Variants in SMARCC2 observed in about 807,000 individuals in gnomAD.
The protein encoded by SMARCC2 is SWI/SNF related BAF chromatin remodeling complex subunit C2, also known as SWI/SNF complex subunit SMARCC2.
A neutral mutation model predicts 151.3 loss-of-function variants in SMARCC2; 15 were observed. That is an observed-to-expected ratio of 0.10 (90% CI 0.07 to 0.15). The LOEUF is 0.15. SMARCC2 is among the 10% of genes least tolerant of loss of function. The pLI is 1.00. For missense variants in SMARCC2, 1,031 were observed against 1,599.7 expected (o/e 0.64, Z 6.06); for synonymous variants, 590 against 609.5 (o/e 0.97, Z 0.47).
rs377684873 is a variant in SMARCC2 at position 56,171,986 on chromosome 12, C to A, written c.1927-49G>T. The A allele has an allele frequency of 2.0e-6, 3 of 1,534,094 alleles. No individual in the cohort carries two copies. Among genetic ancestry groups the A allele is most frequent in the South Asian group, 2.5e-5 (2 of 79,126 alleles). ...ACTCCGCTTACTTAGCCACTTTTCT[C>A]GAAGGCTGACTCCCCCCATCCTACT... On this transcript the variant is annotated intron_variant, in intron 20 of 28. Coordinates refer to ENST00000550164, the MANE Select transcript of SMARCC2 (RefSeq NM_001330288.2). The surrounding 1 kb of genome is among the most constrained non-coding windows in gnomAD (Gnocchi z 4.2).
At chr12:56,164,941 C>T (rs994846094) in intron 27 of SMARCC2, among the ~76,000 whole-genome samples, 3 of 152,140 alleles carry the variant, frequency 2.0e-5, no homozygotes, top group Non-Finnish European at 2.9e-5. Flanking sequence ...GTACGCACCA[C>T]CACGCCCAGC....
rs1258204528 is a variant in SMARCC2 at position 56,164,407 on chromosome 12, G to T, written c.3557C>A (p.Ser1186Tyr). 25 of 1,613,934 alleles carry T rather than the reference G, an allele frequency of 1.5e-5. No homozygotes were observed. The highest frequency in any genetic ancestry group is 1.9e-5 in the Non-Finnish European group (23 of 1,180,054). The change falls in exon 28 of 29, where the codon TCT (serine) becomes TAT (tyrosine). Residue 1186 changes from serine to tyrosine, a missense_variant. Ser to Tyr is a moderately radical substitution (Grantham distance 144). Transcript: ENST00000550164. ...PNLPATTTMP[S>Y]SLPLGPGLGS... ...GAGCCCCGGCCCGAGAGGCAAGGAA[G>T]ATGGCATGGTGGTGGTCGCCGGCAG... is the stretch of plus-strand genomic sequence containing the variant.
At chr12:56,181,949 G>C in intron 8 of SMARCC2, 55 bp downstream of exon 8, 2 of 1,585,232 alleles carry the variant, frequency 1.3e-6, no homozygotes, top group South Asian at 1.1e-5. Context: ...ACTTCCAAAG[G>C]GTAGACTGTT....
intron 15 of SMARCC2, among the ~76,000 whole-genome samples, chr12:56,175,027 T>C (rs964422027): frequency 4.6e-5 from 7 of 152,218 alleles, no homozygotes. Context: ...ATTTTTTTTT[T>C]TGAGATGGAG....
chr12:56,181,262 T>C (rs1876143157), intron 10 of SMARCC2, 161 bp from the exon 11 acceptor site: 2 of 714,060 alleles, frequency 2.8e-6, no homozygotes, highest in South Asian at 4.1e-5. Context: ...GCAAAGGCTT[T>C]TCACTTGATA....
chr12:56,168,463 C>T (rs1873267427), intron 25 of SMARCC2, among the ~76,000 whole-genome samples: 1 of 151,890 alleles, frequency 6.6e-6, no homozygotes, highest in African/African-American at 2.4e-5. Flanking sequence ...TAACCTCTAC[C>T]TCCTGGGTTC....
intron 26 of SMARCC2, among the ~76,000 whole-genome samples, chr12:56,167,337 A>T (rs910805105): frequency 2.6e-5 from 4 of 152,180 alleles, no homozygotes; most frequent in African/African-American, 9.7e-5. Flanking sequence ...AACAAGAGCG[A>T]AACTCTGTCT....
At position 56,178,157 on chromosome 12, in the gene SMARCC2, G is replaced by C. The variant is rs181925967; in HGVS notation, c.1311-64C>G. ...GGTGAAGGGATGGGGGCCCCAAAGG[G>C]AGGAAAAGCCTAGAAGGCAAAGAAG... On this transcript the variant is annotated intron_variant, in intron 14 of 28. Coordinates refer to ENST00000550164, the MANE Select transcript of SMARCC2 (RefSeq NM_001330288.2). The C allele has an allele frequency of 1.2e-3, 1,644 of 1,351,324 alleles. 7 individuals are homozygous for C. Among genetic ancestry groups the C allele is most frequent in the Non-Finnish European group, 1.5e-3 (1,451 of 964,396 alleles). 83.7% of individuals were successfully genotyped at this position (1,351,324 alleles called of 1,614,324 possible).
At chr12:56,186,568 T>C in intron 2 of SMARCC2, 1 of 290,546 alleles carries the variant, frequency 3.4e-6, no homozygotes, top group Non-Finnish European at 6.6e-6. Context: ...CAGGCTGGTC[T>C]CCAACTCCAG....
intron 22 of SMARCC2, among the ~76,000 whole-genome samples, chr12:56,170,459 C>G (rs1287083183): frequency 1.3e-5 from 2 of 152,008 alleles, no homozygotes; most frequent in East Asian, 1.9e-4. Flanking sequence ...GGGTCTCACT[C>G]TTGTCGCCCA....
chr12:56,164,529 A>G lies in SMARCC2; in HGVS notation c.3435T>C (p.Pro1145=), dbSNP rs1305272857. The part of the protein sequence containing the change: ...DSISINLPAP[P]NLHGHHHHLP... ...GATGGTGGTGATGCCCATGCAGGTT[A>G]GGAGGAGCGGGGAGGTTAATACTGA... Residue 1145 remains proline (P), a synonymous_variant, in exon 28 of 29, where the codon CCT becomes CCC. Transcript: ENST00000550164. The G allele has an allele frequency of 6.2e-7, 1 of 1,614,118 alleles. No individual in the cohort carries two copies. Among genetic ancestry groups the G allele is most frequent in the Non-Finnish European group, 8.5e-7 (1 of 1,180,042 alleles).
intron 26 of SMARCC2, among the ~76,000 whole-genome samples, chr12:56,166,174 C>G (rs531659172): frequency 6.6e-6 from 1 of 152,158 alleles, no homozygotes; most frequent in African/African-American, 2.4e-5. Context: ...CTGAGTCTCA[C>G]TCTGTCACCC....
chr12:56,163,830 CCA>C (rs1399984693), intron 28 of SMARCC2, 65 bp from the exon 29 acceptor site: 13 of 1,093,074 alleles, frequency 1.2e-5, no homozygotes, highest in Non-Finnish European at 1.4e-5. Context: ...ACCCAGACCA[CCA>C]CAGACAGACA....
At chr12:56,167,388 G>A (rs1873001049) in intron 26 of SMARCC2, among the ~76,000 whole-genome samples, 1 of 152,094 alleles carries the variant, frequency 6.6e-6, no homozygotes, top group African/African-American at 2.4e-5. Context: ...AAATTGTTGA[G>A]ACAGAGATCT....
At chr12:56,184,626 A>G in intron 5 of SMARCC2, 1 of 566,936 alleles carries the variant, frequency 1.8e-6, no homozygotes, top group Non-Finnish European at 3.1e-6. Context: ...CCAGGCCAAC[A>G]TAGTCTCTAG....
At chr12:56,174,277 T>C (rs1034065583) in intron 16 of SMARCC2, among the ~76,000 whole-genome samples, 3 of 152,106 alleles carry the variant, frequency 2.0e-5, no homozygotes, top group Admixed American at 6.6e-5. Context: ...GCCTAGCTAA[T>C]TTTTTTGCAT....
intron 11 of SMARCC2, among the ~76,000 whole-genome samples, chr12:56,179,470 G>C (rs1176611346): frequency 6.6e-6 from 1 of 152,110 alleles, no homozygotes; most frequent in African/African-American, 2.4e-5. Flanking sequence ...AGAAGAGAGA[G>C]AGCTGATTGA....
Position 56,181,993 on chromosome 12 carries a change from G to T in SMARCC2, c.708+11C>A. On this transcript the variant is annotated intron_variant, in intron 8 of 28. Transcript: ENST00000550164. Reference sequence around the variant, plus strand: ...TCTTTTTGGGGAAGAGGGGATACAAGAAAAGCTCACCTTCCTAGGTTTCTC... The same window carrying T: ...TCTTTTTGGGGAAGAGGGGATACAATAAAAGCTCACCTTCCTAGGTTTCTC... The T allele has an allele frequency of 6.2e-7, 1 of 1,606,138 alleles. No individual in the cohort carries two copies. The highest frequency in any genetic ancestry group is 8.5e-7 in the Non-Finnish European group (1 of 1,174,694).
Position 56,165,410 on chromosome 12 carries a change from G to A in SMARCC2, c.3140C>T (p.Ala1047Val), listed in dbSNP as rs772604131. The A allele has an allele frequency of 1.3e-6, 2 of 1,510,708 alleles. No individual in the cohort carries two copies. The highest frequency in any genetic ancestry group is 1.4e-5 in the African/African-American group (1 of 71,282). 93.6% of individuals were successfully genotyped at this position (1,510,708 alleles called of 1,614,324 possible). ...CTGCTGTGGCCCTGCAGTTGACCCTGCCTGCCCAATCTGTTCAGAAGGGCC... is the reference window on the plus strand; with the variant it reads ...CTGCTGTGGCCCTGCAGTTGACCCTACCTGCCCAATCTGTTCAGAAGGGCC... ...SLGPSEQIGQ[A>V]GSTAGPQQQQ... The change falls in exon 27 of 29, where the codon GCA (alanine) becomes GTA (valine). Residue 1047 changes from alanine (A) to valine (V), a missense_variant. Physicochemically the swap from Ala to Val is moderately conservative, Grantham distance 64. Transcript: ENST00000550164.
Sources: gnomAD v4.1 joint callset for allele counts (sites outside exome capture counted in the v4.1 genomes callset) on GRCh38, gnomAD v4.1.1 for gene constraint, Gnocchi (gnomAD v3.1) non-coding constraint, MANE v1.5 for transcripts, NCBI Gene and HGNC (gene_info 2026-07-23, HGNC 2026-07-21) for gene names.